TGFBR3: variants seen among roughly 807,000 people sequenced by gnomAD.
TGFBR3 encodes the protein transforming growth factor beta receptor 3, also known as transforming growth factor beta receptor type 3.
In TGFBR3, 46 loss-of-function variants were observed where a neutral mutation model predicts 87.9. That is an observed-to-expected ratio of 0.52 (90% CI 0.41 to 0.67). The LOEUF is 0.67. TGFBR3 is among the 30% of genes least tolerant of loss of function. The pLI is 0.00. For missense variants in TGFBR3, 866 were observed against 1,041.9 expected, an observed-to-expected ratio of 0.83 and a Z score of 2.32; for synonymous variants, 381 against 391.6, an observed-to-expected ratio of 0.97 and a Z score of 0.32.
intron 2 of TGFBR3, among the ~76,000 whole-genome samples, chr1:91,895,952 G>A (rs1026444136): frequency 1.1e-4 from 16 of 152,224 alleles, no homozygotes; most frequent in Non-Finnish European, 2.2e-4. Flanking sequence ...ACCCTCAAAT[G>A]ATCACTTCTC....
At chr1:91,867,014 G>A (rs1678415339) in intron 1 of TGFBR3, among the ~76,000 whole-genome samples, 1 of 152,222 alleles carries the variant, frequency 6.6e-6, no homozygotes, top group Non-Finnish European at 1.5e-5. Context: ...GACAAGAAAG[G>A]ATGGAGGTTT....
At chr1:91,685,314 CCTTTT>C (rs1383831630) in intron 16 of TGFBR3, among the ~76,000 whole-genome samples, 3 of 139,282 alleles carry the variant, frequency 2.2e-5, no homozygotes, top group African/African-American at 8.3e-5. Context: ...AGAAGCACTG[CCTTTT>C]TTTTTTTTTT....
chr1:91,796,026 A>T (rs1401816318), intron 3 of TGFBR3, among the ~76,000 whole-genome samples: 1 of 152,146 alleles, frequency 6.6e-6, no homozygotes, highest in African/African-American at 2.4e-5. Context: ...TGGCTCTGGA[A>T]ATTAACTTTC....
chr1:91,888,455 C>G (rs983496811), upstream of TGFBR3, among the ~76,000 whole-genome samples: 1 of 152,174 alleles, frequency 6.6e-6, no homozygotes, highest in Non-Finnish European at 1.5e-5. Context: ...ATAATCTCAG[C>G]AATTTGGGAA....
intron 3 of TGFBR3, among the ~76,000 whole-genome samples, chr1:91,780,450 C>G (rs1246347703): frequency 6.6e-6 from 1 of 151,538 alleles, no homozygotes; most frequent in Non-Finnish European, 1.5e-5. Context: ...GGGGGCTTCC[C>G]TGAGAGCAGT....
intron 4 of TGFBR3, among the ~76,000 whole-genome samples, chr1:91,742,972 T>G (rs1673207311): frequency 6.6e-6 from 1 of 152,174 alleles, no homozygotes; most frequent in African/African-American, 2.4e-5. Context: ...TTCAACAACC[T>G]CATCCAAAAC....
chr1:91,815,840 G>A (rs933452245), intron 2 of TGFBR3, among the ~76,000 whole-genome samples: 1 of 152,198 alleles, frequency 6.6e-6, no homozygotes, highest in Non-Finnish European at 1.5e-5. Flanking sequence ...GAAAGAAGTT[G>A]GCTGTAATCA....
intron 4 of TGFBR3, among the ~76,000 whole-genome samples, chr1:91,752,536 T>C (rs1673582936): frequency 6.6e-6 from 1 of 152,152 alleles, no homozygotes; most frequent in Non-Finnish European, 1.5e-5. Context: ...CTTTTTTCCT[T>C]ATGAGCATGC....
chr1:91,836,354 C>T (rs1174037072), intron 2 of TGFBR3, among the ~76,000 whole-genome samples: 1 of 152,126 alleles, frequency 6.6e-6, no homozygotes, highest in Non-Finnish European at 1.5e-5. Context: ...CAACAGAGCA[C>T]TTGAAACACA....
chr1:91,702,706 A>G (rs1463903024), intron 14 of TGFBR3, among the ~76,000 whole-genome samples: 2 of 152,072 alleles, frequency 1.3e-5, no homozygotes, highest in East Asian at 1.9e-4. Flanking sequence ...GACTTATTCT[A>G]TTTTTGTATA....
chr1:91,787,590 AG>A (rs1675016376), intron 3 of TGFBR3, among the ~76,000 whole-genome samples: 1 of 152,174 alleles, frequency 6.6e-6, no homozygotes, highest in Non-Finnish European at 1.5e-5. Flanking sequence ...GTTGTAAGCA[AG>A]GAAGTGACAA....
At chr1:91,687,227 G>A (rs963171125) in intron 16 of TGFBR3, among the ~76,000 whole-genome samples, 2 of 152,168 alleles carry the variant, frequency 1.3e-5, no homozygotes, top group Non-Finnish European at 2.9e-5. Flanking sequence ...GCTGAAGGGG[G>A]AGGATCTCCT....
chr1:91,684,236 TTC>T (rs1189612384), intron 16 of TGFBR3, among the ~76,000 whole-genome samples: 1 of 152,252 alleles, frequency 6.6e-6, no homozygotes, highest in African/African-American at 2.4e-5. Flanking sequence ...ACTGTCCATC[TTC>T]TCTCATAAAG....
chr1:91,703,190 C>T (rs575392771), intron 14 of TGFBR3, among the ~76,000 whole-genome samples: 1 of 152,282 alleles, frequency 6.6e-6, no homozygotes, highest in Admixed American at 6.5e-5. Context: ...CCCCTCACCT[C>T]GACCTCAGCT....
intron 2 of TGFBR3, among the ~76,000 whole-genome samples, chr1:91,854,510 G>A (rs1428268598): frequency 6.6e-6 from 1 of 152,112 alleles, no homozygotes; most frequent in African/African-American, 2.4e-5. Context: ...TCACTCGACA[G>A]TGAGGAGGCC....
chr1:91,750,190 G>T (rs1156318116), intron 4 of TGFBR3, among the ~76,000 whole-genome samples: 2 of 152,196 alleles, frequency 1.3e-5, no homozygotes, highest in African/African-American at 4.8e-5. Context: ...TGGACAGTAG[G>T]TCTTCCTCAG....
intron 2 of TGFBR3, among the ~76,000 whole-genome samples, chr1:91,848,706 G>C (rs1375115152): frequency 6.6e-6 from 1 of 152,182 alleles, no homozygotes; most frequent in African/African-American, 2.4e-5. Flanking sequence ...TTACAACACT[G>C]TAAGAAGCAC....
chr1:91,766,606 T>C lies in TGFBR3; in HGVS notation c.247-7856A>G, dbSNP rs1415916177. On this transcript the variant is annotated intron_variant, in intron 3 of 16. Transcript: ENST00000212355. ...TCCACCTGCTACGTGCAGTCAGAGA[T>C]TGAAGCTGTCCTCACTGGGTTAACA... 2.0e-4 allele frequency among the ~76,000 whole-genome samples: 27 copies of C among 134,612 alleles called. 5 individuals carry two copies. Among genetic ancestry groups the C allele is most frequent in the Non-Finnish European group, 4.3e-4 (26 of 61,102 alleles). 88.3% of individuals were successfully genotyped at this position (134,612 alleles called of 152,430 possible).
intron 4 of TGFBR3, among the ~76,000 whole-genome samples, chr1:91,748,341 C>T (rs774006710): frequency 3.3e-5 from 5 of 152,192 alleles, no homozygotes; most frequent in Admixed American, 1.3e-4. Context: ...ACGGTCCCCA[C>T]AGGGTTCAGG....
Sources: allele counts gnomAD v4.1 joint callset (sites outside exome capture counted in the v4.1 genomes callset), GRCh38; gene constraint gnomAD v4.1.1; transcripts MANE v1.5; gene names NCBI Gene and HGNC (gene_info 2026-07-23, HGNC 2026-07-21).